Variants in PLEKHN1 observed in about 807,000 individuals in gnomAD.
PLEKHN1 encodes pleckstrin homology domain containing N1.
Under a neutral mutation model 72.8 loss-of-function variants are expected in PLEKHN1, and 68 were observed. The observed-to-expected ratio is 0.93, with a 90% confidence interval of 0.77 to 1.14. The LOEUF (loss-of-function observed/expected upper bound fraction) is 1.14. Among genes scored for constraint, PLEKHN1 ranks in the 50% most tolerant of loss-of-function variants. The pLI, the probability that PLEKHN1 is intolerant of heterozygous loss-of-function variation, is 0.00. For missense variants in PLEKHN1, 1,015 were observed against 840.5 expected (o/e 1.21, Z -2.57); for synonymous variants, 454 against 371.6 (o/e 1.22, Z -2.55).
chr1:970,540 T>C lies in PLEKHN1; in HGVS notation c.350T>C (p.Leu117Pro). 1 of 1,613,168 alleles carries C rather than the reference T, an allele frequency of 6.2e-7. No individual in the cohort carries two copies. Among genetic ancestry groups the C allele is most frequent in the Non-Finnish European group, 8.5e-7 (1 of 1,179,970 alleles). ...QHSQDVSDCY[L>P]ELFPAHLYFQ... ...GCGCAGGATGTCAGCGACTGCTACC[T>C]GGAGCTATTCCCCGCCCACCTGTAC... Residue 117 changes from leucine (L) to proline (P), a missense_variant, in exon 4 of 16, where the codon CTG becomes CCG. Transcript: ENST00000379410. This position sits in a 1 kb window ranked among gnomAD's most constrained non-coding sequence, Gnocchi z 4.2.
At chr1:971,524 C>A in intron 8 of PLEKHN1, 120 bp downstream of exon 8, 1 of 945,280 alleles carries the variant, frequency 1.1e-6, no homozygotes. Flanking sequence ...CAGGGCCCTG[C>A]CCACCCAGCC....
At chr1:971,979 C>G (rs1286860942) in intron 8 of PLEKHN1, 96 bp from the exon 9 acceptor site, 8 of 1,236,566 alleles carry the variant, frequency 6.5e-6, no homozygotes, top group East Asian at 2.4e-5. Flanking sequence ...CTCCAAGTAC[C>G]CAGCCAAGCT....
intron 6 of PLEKHN1, 48 bp downstream of exon 6, chr1:971,054 C>A: frequency 6.3e-7 from 1 of 1,576,880 alleles, no homozygotes; most frequent in Non-Finnish European, 8.6e-7. Context: ...TCCTCGCAGC[C>A]GGCTCTGACC....
In PLEKHN1 at chr1:970,901, G is replaced by A. The variant is rs1643283676; in HGVS notation, c.507G>A (p.Leu169=). 13 of 1,610,924 alleles carry A rather than the reference G, an allele frequency of 8.1e-6. No homozygotes were observed. The highest frequency in any genetic ancestry group is 1.1e-5 in the Non-Finnish European group (13 of 1,179,838). Residue 169 remains leucine (L), a synonymous_variant, in exon 6 of 16, where the codon CTG becomes CTA. Transcript: ENST00000379410. This position sits in a 1 kb window ranked among gnomAD's most constrained non-coding sequence, Gnocchi z 4.2. ...CAGGCCCACTGCCCGCACCCCTCCT[G>A]GTGCTCTGCCCCAGCCGGGCCGAGC... ...QITGPLPAPL[L]VLCPSRAELD...
chr1:968,362 C>T (rs546283627), intron 2 of PLEKHN1, among the ~76,000 whole-genome samples: 1 of 152,352 alleles, frequency 6.6e-6, no homozygotes, highest in East Asian at 1.9e-4. Context: ...TCACAGAGGT[C>T]TCCAGCCCCA....
chr1:971,027 C>T (rs1242904929), intron 6 of PLEKHN1, 21 bp downstream of exon 6: 1 of 933,186 alleles, frequency 1.1e-6, no homozygotes, highest in African/African-American at 1.6e-5. Context: ...GGGACCCCAC[C>T]CCCCTCCCCA....
Position 973,188 on chromosome 1 carries a change from C to A in PLEKHN1, c.1155C>A (p.Asp385Glu). 6.6e-7 allele frequency: 1 copy of A among 1,522,104 alleles called. No individual in the cohort carries two copies. Among genetic ancestry groups the A allele is most frequent in the East Asian group, 2.5e-5 (1 of 40,368 alleles). The allele number at this position is 1,522,104 out of a possible 1,614,324, so 94.3% of individuals were successfully genotyped here. A position where few individuals can be genotyped will look rare whatever the true frequency, so the allele number is the denominator to read the frequency against. Residue 385 changes from aspartate to glutamate, a missense_variant and splice_region_variant, in exon 12 of 16, where the codon GAC becomes GAA. By Grantham distance (45) the Asp-to-Glu change is conservative (BLOSUM62 2). Coordinates refer to ENST00000379410, the MANE Select transcript of PLEKHN1 (RefSeq NM_032129.3). ...TGGAAGGTTTGTGGTCCCCACAGGA[C>A]CAGGCCAACTCTGACCGTGCCAGCA... Reference protein sequence around the residue: ...TVGCSSQHTPDQANSDRASIG... With the variant: ...TVGCSSQHTPEQANSDRASIG...
At chr1:967,036 G>GCGGGC (rs1412274014) in intron 2 of PLEKHN1, among the ~76,000 whole-genome samples, 3 of 152,204 alleles carry the variant, frequency 2.0e-5, no homozygotes, top group Non-Finnish European at 4.4e-5. Context: ...GCTGGGCGGG[G>GCGGGC]CGGGCCGCGG....
chr1:970,440 G>A lies in PLEKHN1; in HGVS notation c.330+17G>A, dbSNP rs753134087. 1.2e-6 allele frequency: 2 copies of A among 1,613,202 alleles called. No individual in the cohort carries two copies. Among genetic ancestry groups the A allele is most frequent in the East Asian group, 2.2e-5 (1 of 44,880 alleles). ...CACAGCCAGGTGGGGGCCGGGCTGG[G>A]TGGAGCACGCTAAGGGTGCAGCATC... On this transcript the variant is annotated intron_variant, in intron 3 of 15. Transcript: ENST00000379410. The surrounding 1 kb of genome is among the most constrained non-coding windows in gnomAD (Gnocchi z 4.2).
rs1334717463 is a variant in PLEKHN1 at position 973,481 on chromosome 1, T to C, written c.1294-19T>C. On this transcript the variant is annotated intron_variant, in intron 12 of 15. Transcript: ENST00000379410. ...TGTTTCTAGCCGAGAAGCCCATTTC[T>C]CCCACCTCTGCCCTGCAGCTGCACA... 1.2e-6 allele frequency: 2 copies of C among 1,611,102 alleles called. No individual in the cohort carries two copies. The highest frequency in any genetic ancestry group is 1.7e-6 in the Non-Finnish European group (2 of 1,179,384).
Position 970,214 on chromosome 1 carries a change from A to T in PLEKHN1, c.184-63A>T, listed in dbSNP as rs867360694. ...ATGCTATAGTCCTGTAGCTGTGTGG[A>T]TGCGAGCGGAGGGGGTGGGGGGCCC... On this transcript the variant is annotated intron_variant, in intron 2 of 15. Coordinates refer to ENST00000379410, the MANE Select transcript of PLEKHN1 (RefSeq NM_032129.3). This position sits in a 1 kb window ranked among gnomAD's most constrained non-coding sequence, Gnocchi z 4.2. The T allele has an allele frequency of 7.2e-5, 112 of 1,555,308 alleles. No individual in the cohort carries two copies. The African/African-American group carries it at 1.4e-3, about 19-fold the overall frequency.
rs1199820849 is a variant in PLEKHN1, at chr1:970,894, C to T, written c.500C>T (p.Pro167Leu). Residue 167 changes from proline (P) to leucine (L), a missense_variant, in exon 6 of 16, where the codon CCC (proline) becomes CTC (leucine). Pro to Leu is a moderately conservative substitution (Grantham distance 98). Coordinates refer to ENST00000379410, the MANE Select transcript of PLEKHN1 (RefSeq NM_032129.3). The surrounding 1 kb of genome is among the most constrained non-coding windows in gnomAD (Gnocchi z 4.2). ...AFQITGPLPA[P>L]LLVLCPSRAE... ...CTGCCCGCAGGCCCACTGCCCGCACCCCTCCTGGTGCTCTGCCCCAGCCGG... is the reference window on the plus strand; with the variant it reads ...CTGCCCGCAGGCCCACTGCCCGCACTCCTCCTGGTGCTCTGCCCCAGCCGG... The T allele has an allele frequency of 1.4e-5, 22 of 1,611,038 alleles. No individual in the cohort carries two copies. Among genetic ancestry groups the T allele is most frequent in the Non-Finnish European group, 1.9e-5 (22 of 1,179,808 alleles).
chr1:970,202 G>A lies in PLEKHN1; in HGVS notation c.184-75G>A. 1.3e-6 allele frequency: 2 copies of A among 1,514,132 alleles called. No homozygotes were observed. Among genetic ancestry groups the A allele is most frequent in the Non-Finnish European group, 1.8e-6 (2 of 1,107,994 alleles). The allele number at this position is 1,514,132 out of a possible 1,614,324, so 93.8% of individuals were successfully genotyped here. A position where few individuals can be genotyped will look rare whatever the true frequency, so the allele number is the denominator to read the frequency against. ...CACAGGCAGACCATGCTATAGTCCTGTAGCTGTGTGGATGCGAGCGGAGGG... is the reference window on the plus strand; with the variant it reads ...CACAGGCAGACCATGCTATAGTCCTATAGCTGTGTGGATGCGAGCGGAGGG... On this transcript the variant is annotated intron_variant, in intron 2 of 15. Coordinates refer to ENST00000379410, the MANE Select transcript of PLEKHN1 (RefSeq NM_032129.3). This position sits in a 1 kb window ranked among gnomAD's most constrained non-coding sequence, Gnocchi z 4.2.
At chr1:974,221 C>G in intron 14 of PLEKHN1, 95 bp from the exon 15 acceptor site, 2 of 1,571,510 alleles carry the variant, frequency 1.3e-6, no homozygotes, top group Non-Finnish European at 1.7e-6. Flanking sequence ...GGAGGGAGAG[C>G]AGGGGGACAT....
chr1:972,194 T>C (rs1643370363), intron 9 of PLEKHN1, 44 bp downstream of exon 9: 3 of 1,607,310 alleles, frequency 1.9e-6, no homozygotes, highest in Non-Finnish European at 2.6e-6. Context: ...GGCCAGGCCA[T>C]GGTGGGGCGG....
chr1:970,274 T>C lies in PLEKHN1; in HGVS notation c.184-3T>C. On this transcript the variant is annotated splice_polypyrimidine_tract_variant and splice_region_variant and intron_variant, in intron 2 of 15. Transcript: ENST00000379410. The surrounding 1 kb of genome is among the most constrained non-coding windows in gnomAD (Gnocchi z 4.2). ...CCCCTCCCCTGAGCTCTACTCCTCC[T>C]AGGACATCCTGGACCTGGAGAACCA... The C allele has an allele frequency of 1.2e-6, 2 of 1,612,754 alleles. No individual in the cohort carries two copies. The highest frequency in any genetic ancestry group is 1.7e-6 in the Non-Finnish European group (2 of 1,179,784).
In PLEKHN1 at chr1:974,843, C is replaced by T. The variant is rs765381441; in HGVS notation, c.*268C>T. 8 of 496,048 alleles carry T rather than the reference C, an allele frequency of 1.6e-5. No individual in the cohort carries two copies. Among genetic ancestry groups the T allele is most frequent in the Admixed American group, 3.5e-5 (1 of 28,230 alleles). The allele number at this position is 496,048 out of a possible 1,614,324, so 30.7% of individuals were successfully genotyped here. ...GGGAGGTCCTGGCCGTCCACAGGGT[C>T]GGCCCTCAGCTCAGCCCGCCAGGAG... On this transcript the variant is annotated 3_prime_UTR_variant, in exon 16 of 16. Coordinates refer to ENST00000379410, the MANE Select transcript of PLEKHN1 (RefSeq NM_032129.3).
At position 970,655 on chromosome 1, in the gene PLEKHN1, C is replaced by T; in HGVS notation, c.412-31C>T. The T allele has an allele frequency of 6.2e-7, 1 of 1,600,352 alleles. No individual in the cohort carries two copies. ...ATGGCCGCCCTTCCCTCCATGGATC[C>T]CTGAAGCTCCTCCTACCCTGTGCCT... On this transcript the variant is annotated intron_variant, in intron 4 of 15. Transcript: ENST00000379410. This position sits in a 1 kb window ranked among gnomAD's most constrained non-coding sequence, Gnocchi z 4.2.
chr1:970,860 C>CT lies in PLEKHN1; in HGVS notation c.485-18dup. 6.2e-7 allele frequency: 1 copy of CT among 1,612,058 alleles called. No individual in the cohort carries two copies. The highest frequency in any genetic ancestry group is 8.5e-7 in the Non-Finnish European group (1 of 1,179,938). ...GAGCACGTGTGTGTATGTGTGTGCC[C>CT]TCTCTGCCCTGCCCGCAGGCCCACT... On this transcript the variant is annotated intron_variant, in intron 5 of 15. Transcript: ENST00000379410. The surrounding 1 kb of genome is among the most constrained non-coding windows in gnomAD (Gnocchi z 4.2).
Sources: allele counts gnomAD v4.1 joint callset (sites outside exome capture counted in the v4.1 genomes callset), GRCh38; gene constraint gnomAD v4.1.1; non-coding constraint Gnocchi (gnomAD v3.1); transcripts MANE v1.5; gene names NCBI Gene and HGNC (gene_info 2026-07-23, HGNC 2026-07-21).